AUTS2: variants seen among roughly 807,000 people sequenced by gnomAD.
The protein encoded by AUTS2 is activator of transcription and developmental regulator AUTS2.
Under a neutral mutation model 112.4 loss-of-function variants are expected in AUTS2, and 17 were observed. That is an observed-to-expected ratio of 0.15 (90% CI 0.10 to 0.23). The LOEUF is 0.23. Ranked by LOEUF, AUTS2 falls within the 10% of genes least tolerant of loss-of-function variation. The probability of loss-of-function intolerance (pLI) is 1.00; values close to 1 mark genes in which losing one functional copy is unlikely to be tolerated. For missense variants in AUTS2, 1,510 were observed against 1,701.6 expected (o/e 0.89, Z 1.98); for synonymous variants, 751 against 702.7 (o/e 1.07, Z -1.09).
chr7:69,664,800 T>C (rs1163121562), intron 1 of AUTS2, among the ~76,000 whole-genome samples: 1 of 152,224 alleles, frequency 6.6e-6, no homozygotes, highest in Admixed American at 6.5e-5. Flanking sequence ...AATACATTTA[T>C]TGTCTTTTTC....
intron 4 of AUTS2, chr7:70,316,811 A>T (rs1309614253): frequency 6.6e-6 from 1 of 152,138 alleles, no homozygotes; most frequent in Admixed American, 6.6e-5. Flanking sequence ...TCCCAGGAAA[A>T]ATCATGTGAT....
chr7:69,903,897 T>C (rs1446096110), intron 2 of AUTS2, among the ~76,000 whole-genome samples: 2 of 152,236 alleles, frequency 1.3e-5, no homozygotes, highest in African/African-American at 2.4e-5. Flanking sequence ...TAGGTATTTC[T>C]TTTTAGGAAT....
chr7:69,827,733 G>A (rs1442644079), intron 1 of AUTS2, among the ~76,000 whole-genome samples: 1 of 152,198 alleles, frequency 6.6e-6, no homozygotes, highest in South Asian at 2.1e-4. Context: ...CTCATGAAAT[G>A]AGAGAAGGGT....
intron 1 of AUTS2, among the ~76,000 whole-genome samples, chr7:69,790,139 A>T (rs987867508): frequency 6.6e-6 from 1 of 152,056 alleles, no homozygotes; most frequent in African/African-American, 2.4e-5. Context: ...AATAAAAAAA[A>T]AAATGGCTGA....
At chr7:70,531,951 C>T (rs11970842) in intron 5 of AUTS2, among the ~76,000 whole-genome samples, 12,793 of 152,262 alleles carry the variant, frequency 0.084, 616 homozygotes, top group African/African-American at 0.11. Context: ...CTGCTGGCTT[C>T]TGTCAGTCAT....
At chr7:70,053,626 C>A (rs1258753545) in intron 2 of AUTS2, among the ~76,000 whole-genome samples, 1 of 150,014 alleles carries the variant, frequency 6.7e-6, no homozygotes, top group African/African-American at 2.5e-5. Context: ...TGAAGCCTTG[C>A]CCTCCAGGGC....
intron 1 of AUTS2, among the ~76,000 whole-genome samples, chr7:69,720,883 A>G (rs1478281921): frequency 6.6e-6 from 1 of 152,186 alleles, no homozygotes; most frequent in Non-Finnish European, 1.5e-5. Flanking sequence ...AAACAGGACA[A>G]CAGCGTTTAC....
At chr7:70,530,351 T>TTACGGCAGTAACA (rs1211176514) in intron 5 of AUTS2, among the ~76,000 whole-genome samples, 4 of 152,090 alleles carry the variant, frequency 2.6e-5, no homozygotes, top group African/African-American at 9.7e-5. Context: ...AGATAGTCTG[T>TTACGGCAGTAACA]GGGTGTTACG....
At chr7:70,178,259 A>G (rs917055344) in intron 4 of AUTS2, among the ~76,000 whole-genome samples, 11 of 152,236 alleles carry the variant, frequency 7.2e-5, no homozygotes, top group African/African-American at 2.4e-4. Flanking sequence ...AGAATATTTT[A>G]AGAGAAATAT....
At chr7:70,163,860 T>C (rs1433062484) in intron 4 of AUTS2, among the ~76,000 whole-genome samples, 1 of 152,124 alleles carries the variant, frequency 6.6e-6, no homozygotes, top group East Asian at 1.9e-4. Context: ...GTCATGTACT[T>C]GAGTCCCAGA....
intron 2 of AUTS2, among the ~76,000 whole-genome samples, chr7:70,009,207 A>C (rs919202045): frequency 9.2e-5 from 14 of 152,062 alleles, no homozygotes; most frequent in African/African-American, 3.4e-4. Flanking sequence ...TTTAATAACA[A>C]CCCACTCTCG....
chr7:69,842,245 A>AT (rs1459358566), intron 1 of AUTS2, among the ~76,000 whole-genome samples: 3 of 152,218 alleles, frequency 2.0e-5, no homozygotes, highest in East Asian at 1.9e-4. Context: ...GATAAAATGG[A>AT]TTTTTTTAAA....
intron 4 of AUTS2, among the ~76,000 whole-genome samples, chr7:70,204,735 T>C (rs1319199034): frequency 6.6e-6 from 1 of 152,148 alleles, no homozygotes; most frequent in Non-Finnish European, 1.5e-5. Context: ...AAGCACCTGG[T>C]AACCAATAAA....
intron 4 of AUTS2, among the ~76,000 whole-genome samples, chr7:70,356,735 C>G (rs1302240025): frequency 6.6e-6 from 1 of 151,950 alleles, no homozygotes; most frequent in East Asian, 1.9e-4. Flanking sequence ...TTAAAGGACC[C>G]TAGTGAGTTT....
In AUTS2 at chr7:69,599,227, C is replaced by A. The variant is rs1432021238; in HGVS notation, c.-427C>A. The stretch of plus-strand genomic sequence containing the variant: ...GGGCGGGGGGCGCGGCGGAGAATGG[C>A]CGCGGGGAGGGCTCCCCGGAGCCTC... On this transcript the variant is annotated 5_prime_UTR_variant, in exon 1 of 19. Transcript: ENST00000342771. The surrounding 1 kb of genome is among the most constrained non-coding windows in gnomAD (Gnocchi z 7.0). The A allele has an allele frequency of 1.3e-5, 2 of 153,796 alleles. No individual in the cohort carries two copies. The highest frequency in any genetic ancestry group is 1.3e-4 in the Admixed American group (2 of 15,322). The allele number at this position is 153,796 out of a possible 1,614,324, so 9.5% of individuals were successfully genotyped here.
chr7:70,082,471 A>G (rs774991071), intron 2 of AUTS2, among the ~76,000 whole-genome samples: 18 of 152,300 alleles, frequency 1.2e-4, no homozygotes, highest in Non-Finnish European at 2.5e-4. Context: ...CTGGACTTTT[A>G]GTACTTTAGT....
intron 3 of AUTS2, among the ~76,000 whole-genome samples, chr7:70,133,738 G>GA (rs1252471357): frequency 6.6e-6 from 1 of 152,006 alleles, no homozygotes; most frequent in African/African-American, 2.4e-5. Context: ...GGTTTTAGGA[G>GA]AAAAAAAGAA....
intron 4 of AUTS2, among the ~76,000 whole-genome samples, chr7:70,371,388 C>A (rs1585069057): frequency 6.6e-6 from 1 of 152,200 alleles, no homozygotes; most frequent in Non-Finnish European, 1.5e-5. Context: ...GATCAGATAA[C>A]CATCTGCCTT....
chr7:69,999,484 A>G (rs983604205), intron 2 of AUTS2, among the ~76,000 whole-genome samples: 3 of 152,248 alleles, frequency 2.0e-5, no homozygotes, highest in Admixed American at 6.5e-5. Flanking sequence ...CCACATAAAT[A>G]TGACTTATTT....
Sources: gnomAD v4.1 joint callset for allele counts (sites outside exome capture counted in the v4.1 genomes callset) on GRCh38, gnomAD v4.1.1 for gene constraint, Gnocchi (gnomAD v3.1) non-coding constraint, MANE v1.5 for transcripts, NCBI Gene and HGNC (gene_info 2026-07-23, HGNC 2026-07-21) for gene names.